The following RASA3 variants were observed in gnomAD, a reference collection of about 807,000 sequenced individuals.
The protein encoded by RASA3 is ras GTPase-activating protein 3.
A neutral mutation model predicts 110.0 loss-of-function variants in RASA3; 73 were observed. The ratio of observed to expected loss-of-function variants is 0.66; its 90% CI spans 0.55 to 0.81. The LOEUF is 0.81. RASA3 is among the 30% of genes least tolerant of loss of function. The probability of loss-of-function intolerance (pLI) is 0.00; values close to 1 mark genes in which losing one functional copy is unlikely to be tolerated. For synonymous variants in RASA3, 500 were observed against 451.4 expected (o/e 1.11, Z -1.37); for missense variants, 976 against 1,113.2 (o/e 0.88, Z 1.75).
intron 1 of RASA3, among the ~76,000 whole-genome samples, chr13:114,123,491 C>A (rs922112278): frequency 6.6e-6 from 1 of 152,218 alleles, no homozygotes; most frequent in Admixed American, 6.5e-5. Context: ...GGAACTGGCT[C>A]CAACGCCACA....
chr13:114,004,632 G>A (rs974460296), intron 18 of RASA3, among the ~76,000 whole-genome samples: 1 of 152,174 alleles, frequency 6.6e-6, no homozygotes, highest in Non-Finnish European at 1.5e-5. Context: ...AATAAAACAC[G>A]GAAAAATGAC....
intron 2 of RASA3, among the ~76,000 whole-genome samples, chr13:114,053,643 G>C (rs1470755194): frequency 6.6e-6 from 1 of 152,238 alleles, no homozygotes; most frequent in Non-Finnish European, 1.5e-5. Context: ...GCACCCATCT[G>C]TAAGGGTGTA....
intron 21 of RASA3, among the ~76,000 whole-genome samples, chr13:113,993,930 C>T (rs2139105792): frequency 6.6e-6 from 1 of 152,102 alleles, no homozygotes; most frequent in African/African-American, 2.4e-5. Flanking sequence ...CAGGTGCAAC[C>T]AACAGGGAGG....
intron 1 of RASA3, among the ~76,000 whole-genome samples, chr13:114,113,390 G>T (rs569006122): frequency 2.6e-5 from 4 of 152,354 alleles, no homozygotes; most frequent in African/African-American, 9.6e-5. Flanking sequence ...TATCTAAAAT[G>T]TCAAGCAGAC....
chr13:113,996,772 A>G (rs557535624), intron 20 of RASA3, 33 bp from the exon 21 acceptor site: 2 of 1,587,176 alleles, frequency 1.3e-6, no homozygotes, highest in South Asian at 1.1e-5. Context: ...GACAGCGCAC[A>G]TGAGGTCTCG....
At chr13:113,993,653 C>A (rs2053168407) in intron 21 of RASA3, among the ~76,000 whole-genome samples, 2 of 150,762 alleles carry the variant, frequency 1.3e-5, no homozygotes, top group Admixed American at 1.3e-4. Flanking sequence ...ATTAAAAATA[C>A]AAAAATTAGC....
intron 8 of RASA3, among the ~76,000 whole-genome samples, chr13:114,022,301 G>T (rs911249041): frequency 6.6e-6 from 1 of 152,190 alleles, no homozygotes; most frequent in African/African-American, 2.4e-5. Flanking sequence ...GTGAAATTCT[G>T]ACAGACATAC....
At chr13:114,110,275 G>A (rs950216283) in intron 1 of RASA3, among the ~76,000 whole-genome samples, 4 of 152,242 alleles carry the variant, frequency 2.6e-5, no homozygotes, top group Non-Finnish European at 4.4e-5. Flanking sequence ...TGGCTGCCAG[G>A]ACCAGGGAGA....
At chr13:114,113,252 C>G (rs1321630863) in intron 1 of RASA3, among the ~76,000 whole-genome samples, 1 of 152,224 alleles carries the variant, frequency 6.6e-6, no homozygotes, top group African/African-American at 2.4e-5. Flanking sequence ...GCACCTCCTT[C>G]CATGGAGACT....
intron 2 of RASA3, among the ~76,000 whole-genome samples, chr13:114,059,405 C>G (rs1441593203): frequency 9.9e-5 from 15 of 152,246 alleles, no homozygotes; most frequent in Non-Finnish European, 1.5e-5. Context: ...TCGCTGAAGC[C>G]AATGCGAGGA....
intron 1 of RASA3, among the ~76,000 whole-genome samples, chr13:114,102,212 G>A (rs550482783): frequency 1.3e-5 from 2 of 152,214 alleles, no homozygotes; most frequent in Non-Finnish European, 2.9e-5. Context: ...GATCCACAGC[G>A]GGCGGGTGGT....
chr13:114,072,083 C>T (rs145078059), intron 2 of RASA3, among the ~76,000 whole-genome samples: 132 of 152,246 alleles, frequency 8.7e-4, no homozygotes, highest in Middle Eastern at 6.8e-3. Context: ...ATCCCCAAGC[C>T]GCTCCCTTAT....
chr13:114,121,894 C>T (rs1312402283), intron 1 of RASA3, among the ~76,000 whole-genome samples: 2 of 152,252 alleles, frequency 1.3e-5, no homozygotes, highest in African/African-American at 2.4e-5. Flanking sequence ...ACCATGCAGC[C>T]GGGCTAGCAG....
chr13:114,112,781 C>G lies in RASA3; in HGVS notation c.55+19654G>C, dbSNP rs1480262428. 6.6e-6 allele frequency among the ~76,000 whole-genome samples: 1 copy of G among 152,064 alleles called. No individual in the cohort carries two copies. Among genetic ancestry groups the G allele is most frequent in the Non-Finnish European group, 1.5e-5 (1 of 67,994 alleles). ...ACTCCCCGTGGGGCCGCAGGGTACA[C>G]CAACATCTGAGGCAGAGGCACCGCT... is the stretch of plus-strand genomic sequence containing the variant. On this transcript the variant is annotated intron_variant, in intron 1 of 23. Coordinates refer to ENST00000334062, the MANE Select transcript of RASA3 (RefSeq NM_007368.4). This position sits in a 1 kb window ranked among gnomAD's most constrained non-coding sequence, Gnocchi z 4.8.
Position 114,041,045 on chromosome 13 carries a change from G to A in RASA3, c.327C>T (p.Asp109=), listed in dbSNP as rs1296847964. ...KEDLQKYHNR[D]TWFQLQHVDA... ...CCACGTGCTGCAGCTGGAACCAGGT[G>A]TCCCTGTTGTGGTACTTCTGCAAGT... The change falls in exon 4 of 24, where the codon GAC becomes GAT. Residue 109 remains aspartate (D), a synonymous_variant. Transcript: ENST00000334062. 4 of 1,613,850 alleles carry A rather than the reference G, an allele frequency of 2.5e-6. No homozygotes were observed. Among genetic ancestry groups the A allele is most frequent in the South Asian group, 2.2e-5 (2 of 91,086 alleles).
chr13:114,072,189 C>T (rs550989025), intron 2 of RASA3, among the ~76,000 whole-genome samples: 27 of 152,302 alleles, frequency 1.8e-4, no homozygotes, highest in African/African-American at 5.8e-4. Flanking sequence ...CGACATAAAT[C>T]GCCATGGCTT....
At chr13:114,092,290 T>C (rs1359467394) in intron 1 of RASA3, among the ~76,000 whole-genome samples, 1 of 152,220 alleles carries the variant, frequency 6.6e-6, no homozygotes, top group African/African-American at 2.4e-5. Flanking sequence ...TTCTATGACA[T>C]AGGCATTCAT....
At chr13:114,023,003 T>C (rs1390456146) in intron 8 of RASA3, among the ~76,000 whole-genome samples, 3 of 152,100 alleles carry the variant, frequency 2.0e-5, no homozygotes, top group South Asian at 2.1e-4. Flanking sequence ...GAGACAACTA[T>C]GGGGGACGGA....
At chr13:114,062,931 C>G (rs557466418) in intron 2 of RASA3, among the ~76,000 whole-genome samples, 7 of 152,364 alleles carry the variant, frequency 4.6e-5, no homozygotes, top group African/African-American at 1.7e-4. Flanking sequence ...GACGCTTCCA[C>G]TGACACGAAA....
Sources: gnomAD v4.1 joint callset for allele counts (sites outside exome capture counted in the v4.1 genomes callset) on GRCh38, gnomAD v4.1.1 for gene constraint, Gnocchi (gnomAD v3.1) non-coding constraint, MANE v1.5 for transcripts, NCBI Gene and HGNC (gene_info 2026-07-23, HGNC 2026-07-21) for gene names.